CACNA1S: variants seen among roughly 807,000 people sequenced by gnomAD.
CACNA1S encodes voltage-dependent L-type calcium channel subunit alpha-1S.
A neutral mutation model predicts 207.4 loss-of-function variants in CACNA1S; 126 were observed. The ratio of observed to expected loss-of-function variants is 0.61; its 90% CI spans 0.53 to 0.70. CACNA1S has a LOEUF of 0.70. Among genes scored for constraint, CACNA1S ranks in the 30% least tolerant of loss-of-function variants. CACNA1S has a pLI of 0.00. For missense variants in CACNA1S, 2,349 were observed against 2,422.8 expected, an observed-to-expected ratio of 0.97 and a Z score of 0.64; for synonymous variants, 960 against 932.7, an observed-to-expected ratio of 1.03 and a Z score of -0.53.
intron 2 of CACNA1S, among the ~76,000 whole-genome samples, chr1:201,100,692 C>T (rs1044109660): frequency 6.6e-6 from 1 of 152,098 alleles, no homozygotes; most frequent in Non-Finnish European, 1.5e-5. Flanking sequence ...CAGTAGGGCT[C>T]TGCATGCTCA....
chr1:201,088,938 A>T (rs796467609), intron 6 of CACNA1S, among the ~76,000 whole-genome samples: 28 of 152,372 alleles, frequency 1.8e-4, no homozygotes, highest in African/African-American at 5.8e-4. Context: ...TCGTTCCTCA[A>T]AAAGTGTGAA....
At chr1:201,085,366 T>TGCAA in intron 8 of CACNA1S, 70 bp downstream of exon 8, 4 of 1,601,966 alleles carry the variant, frequency 2.5e-6, no homozygotes, top group Non-Finnish European at 3.4e-6. Flanking sequence ...TGGGCCTGAT[T>TGCAA]GCAAGGTATG....
intron 40 of CACNA1S, among the ~76,000 whole-genome samples, chr1:201,042,601 T>A (rs1407107979): frequency 6.6e-6 from 1 of 152,176 alleles, no homozygotes; most frequent in Non-Finnish European, 1.5e-5. Flanking sequence ...GTGGGCTGAA[T>A]TTAAGGGGTC....
Position 201,040,294 on chromosome 1 carries a change from G to A in CACNA1S, c.5307C>T (p.Ser1769=), listed in dbSNP as rs767120843. ...PGSLHEETPH[S]RSTRENTSRC... is the part of the protein sequence containing the mutation. ...TGGAAGTATTCTCCCTGGTGCTCCT[G>A]CTGTGGGGTGTCTCCTCATGAAGAG... Residue 1769 remains serine (S), a synonymous_variant, in exon 43 of 44, where the codon AGC becomes AGT. Coordinates refer to ENST00000362061, the MANE Select transcript of CACNA1S (RefSeq NM_000069.3). 3.7e-6 allele frequency: 6 copies of A among 1,613,752 alleles called. No individual in the cohort carries two copies. Among genetic ancestry groups the A allele is most frequent in the Non-Finnish European group, 5.1e-6 (6 of 1,179,920 alleles).
Position 201,075,571 on chromosome 1 carries a change from G to A in CACNA1S, c.1872C>T (p.Ile624=). The A allele has an allele frequency of 1.9e-6, 3 of 1,614,092 alleles. No homozygotes were observed. The highest frequency in any genetic ancestry group is 2.5e-6 in the Non-Finnish European group (3 of 1,179,970). ...EDWTSMMYNG[I]MAYGGPSYPG... ...GGTAGGACGGCCCGCCGTAGGCCAT[G>A]ATCCCATTGTACATCATTGAGGTCC... The change falls in exon 13 of 44, where the codon ATC becomes ATT. Residue 624 remains isoleucine, a synonymous_variant. Coordinates refer to ENST00000362061, the MANE Select transcript of CACNA1S (RefSeq NM_000069.3).
At chr1:201,057,393 C>A (rs978146079) in intron 28 of CACNA1S, among the ~76,000 whole-genome samples, 1 of 152,252 alleles carries the variant, frequency 6.6e-6, no homozygotes, top group East Asian at 1.9e-4. Context: ...CACCACCCTC[C>A]CATTCTCTTC....
At position 201,061,378 on chromosome 1, in the gene CACNA1S, G is replaced by A. The variant is rs1468895414; in HGVS notation, c.3144C>T (p.Tyr1048=). ...RVEMAIFFII[Y]IILIAFFMMN... ...TCATGAAGAAGGCAATGAGGATGATGTAGATGATGAAGAAGATGGCCATCT... is the reference window on the plus strand; with the variant it reads ...TCATGAAGAAGGCAATGAGGATGATATAGATGATGAAGAAGATGGCCATCT... The change falls in exon 25 of 44, where the codon TAC becomes TAT. Residue 1048 remains tyrosine, a synonymous_variant. Coordinates refer to ENST00000362061, the MANE Select transcript of CACNA1S (RefSeq NM_000069.3). The A allele has an allele frequency of 2.5e-6, 4 of 1,614,198 alleles. No individual in the cohort carries two copies. In the South Asian group the frequency reaches 3.3e-5, roughly 13 times the overall value.
chr1:201,097,821 G>A (rs1284113716), intron 2 of CACNA1S, among the ~76,000 whole-genome samples: 1 of 152,264 alleles, frequency 6.6e-6, no homozygotes, highest in African/African-American at 2.4e-5. Context: ...CCGCCAACTG[G>A]TGATTCTGAT....
chr1:201,103,550 C>T (rs999437174), intron 2 of CACNA1S, among the ~76,000 whole-genome samples: 1 of 152,180 alleles, frequency 6.6e-6, no homozygotes, highest in Non-Finnish European at 1.5e-5. Flanking sequence ...GAAAGGGGAC[C>T]TGAGTTCTTG....
intron 29 of CACNA1S, 130 bp downstream of exon 29, chr1:201,054,375 G>T: frequency 1.1e-6 from 1 of 939,308 alleles, no homozygotes; most frequent in East Asian, 2.5e-5. Flanking sequence ...TCCTCAGCAG[G>T]GCCTGCCCTG....
intron 2 of CACNA1S, among the ~76,000 whole-genome samples, chr1:201,095,768 T>TG (rs1224673750): frequency 6.6e-6 from 1 of 152,148 alleles, no homozygotes; most frequent in African/African-American, 2.4e-5. Context: ...TTGGCACTCT[T>TG]GGGGAATCGT....
chr1:201,089,654 A>G (rs1232363484), intron 5 of CACNA1S, among the ~76,000 whole-genome samples, 191 bp from the exon 6 acceptor site: 1 of 152,264 alleles, frequency 6.6e-6, no homozygotes, highest in Non-Finnish European at 1.5e-5. Context: ...GAGGATGGCT[A>G]CAGGCAGCGG....
rs142390132 is a variant in CACNA1S at position 201,109,744 on chromosome 1, C to T, written c.258+420G>A. Among the ~76,000 whole-genome samples, 23 of 152,320 alleles carry T rather than the reference C, an allele frequency of 1.5e-4. No homozygotes were observed. In the East Asian group the frequency reaches 4.2e-3, roughly 28 times the overall value. ...GATAAAACTCTCCCATGAAGGCAAA[C>T]TTAGTGGACACAAGTTTCTTATGAA... On this transcript the variant is annotated intron_variant, in intron 2 of 43. Transcript: ENST00000362061.
chr1:201,055,309 T>C (rs1660800537), intron 28 of CACNA1S, among the ~76,000 whole-genome samples: 1 of 152,160 alleles, frequency 6.6e-6, no homozygotes, highest in African/African-American at 2.4e-5. Context: ...TGGGGCAGAT[T>C]TTCCCTGGAC....
At chr1:201,085,314 C>T in intron 8 of CACNA1S, 122 bp downstream of exon 8, 1 of 1,374,034 alleles carries the variant, frequency 7.3e-7, no homozygotes, top group Non-Finnish European at 1.0e-6. Context: ...TTGCTTTAGG[C>T]AAGTCACTCA....
At position 201,091,969 on chromosome 1, in the gene CACNA1S, C is replaced by A; in HGVS notation, c.541+3G>T. 6.2e-7 allele frequency: 1 copy of A among 1,614,034 alleles called. No homozygotes were observed. Among genetic ancestry groups the A allele is most frequent in the African/African-American group, 1.3e-5 (1 of 75,018 alleles). On this transcript the variant is annotated splice_donor_region_variant and intron_variant, in intron 4 of 43. Transcript: ENST00000362061. ...AGGGGTCTGCAGGGACACTGCCACC[C>A]ACTAGGCACCCCCGACACCAGCCGG...
In CACNA1S at chr1:201,062,527, A is replaced by AGAGGGAGG. The variant is rs747117832; in HGVS notation, c.2854-21_2854-14dup. Reference sequence around the variant, plus strand: ...TGAAGAACTTCCCCTGCAGCCAGGAAGAGGGAGGGAGGGAGGGAGGCATGT... The same window carrying AGAGGGAGG: ...TGAAGAACTTCCCCTGCAGCCAGGAAGAGGGAGGGAGGGAGGGAGGGAGGGAGGCATGT... On this transcript the variant is annotated splice_polypyrimidine_tract_variant and intron_variant, in intron 22 of 43. Transcript: ENST00000362061. The AGAGGGAGG allele has an allele frequency of 8.6e-7, 1 of 1,157,632 alleles. No homozygotes were observed. Among genetic ancestry groups the AGAGGGAGG allele is most frequent in the East Asian group, 3.0e-5 (1 of 33,514 alleles). The allele number at this position is 1,157,632 out of a possible 1,614,324, so 71.7% of individuals were successfully genotyped here. A position where few individuals can be genotyped will look rare whatever the true frequency, so the allele number is the denominator to read the frequency against.
chr1:201,040,427 A>G lies in CACNA1S; in HGVS notation c.5227-53T>C. 1.9e-6 allele frequency: 3 copies of G among 1,604,498 alleles called. No homozygotes were observed. The Admixed American group carries it at 5.0e-5, about 27-fold the overall frequency. On this transcript the variant is annotated intron_variant, in intron 42 of 43. Transcript: ENST00000362061. Reference sequence around the variant, plus strand: ...CCCGACAGGGGTGCTGGAGCCCACCAATGAGCAAAATTCCAGATCATCTGA... The same window carrying G: ...CCCGACAGGGGTGCTGGAGCCCACCGATGAGCAAAATTCCAGATCATCTGA...
Position 201,076,908 on chromosome 1 carries a change from G to A in CACNA1S, c.1827+12C>T. 5 of 1,612,632 alleles carry A rather than the reference G, an allele frequency of 3.1e-6. No individual in the cohort carries two copies. The highest frequency in any genetic ancestry group is 4.2e-6 in the Non-Finnish European group (5 of 1,178,578). ...CCGTTCAGAAGGAGGGACACGCAGA[G>A]GGAGAGCCTACCTGGAAGACGCTGA... On this transcript the variant is annotated intron_variant, in intron 12 of 43. Transcript: ENST00000362061.
Sources: gnomAD v4.1 joint callset for allele counts (sites outside exome capture counted in the v4.1 genomes callset) on GRCh38, gnomAD v4.1.1 for gene constraint, MANE v1.5 for transcripts, NCBI Gene and HGNC (gene_info 2026-07-23, HGNC 2026-07-21) for gene names.